Variants in LOX observed in about 807,000 individuals in gnomAD.
LOX encodes the protein lysyl oxidase.
LOX carries 12 observed loss-of-function variants against 50.5 expected under a neutral mutation model. That is an observed-to-expected ratio of 0.24 (90% CI 0.15 to 0.38). The LOEUF (loss-of-function observed/expected upper bound fraction) is 0.38, where lower values mean the gene tolerates loss of function less well. Ranked by LOEUF, LOX falls within the 10% of genes least tolerant of loss-of-function variation. The pLI is 1.00. For synonymous variants in LOX, 254 were observed against 230.6 expected (o/e 1.10, Z -0.92); for missense variants, 504 against 563.8 (o/e 0.89, Z 1.07).
In LOX at chr5:122,070,139, A is replaced by T; in HGVS notation, c.1161T>A (p.Pro387=). Residue 387 remains proline (P), a synonymous_variant, in exon 6 of 7, where the codon CCT becomes CCA. Transcript: ENST00000231004. ...CAACATTGTTGGTATAGTCAGATTC[A>T]GGAACCAGGTAGCTGGGGTTTACAC... The part of the protein sequence containing the change: ...KVSVNPSYLV[P]ESDYTNNVVR... 6.2e-7 allele frequency: 1 copy of T among 1,612,944 alleles called. No homozygotes were observed. The highest frequency in any genetic ancestry group is 8.5e-7 in the Non-Finnish European group (1 of 1,179,088).
chr5:122,077,047 C>A lies in LOX; in HGVS notation c.632-46G>T. On this transcript the variant is annotated intron_variant, in intron 1 of 6. Transcript: ENST00000231004. The surrounding 1 kb of genome is among the most constrained non-coding windows in gnomAD (Gnocchi z 4.9). ...GGCGCAGCAGTGAAACAACCCGGCGCCCCCCGCTCCAACTCCCTACCCCTC... is the reference window on the plus strand; with the variant it reads ...GGCGCAGCAGTGAAACAACCCGGCGACCCCCGCTCCAACTCCCTACCCCTC... 6.2e-7 allele frequency: 1 copy of A among 1,603,616 alleles called. No homozygotes were observed.
intron 6 of LOX, among the ~76,000 whole-genome samples, chr5:122,068,113 T>A (rs957353922): frequency 1.3e-5 from 2 of 150,702 alleles, no homozygotes; most frequent in Non-Finnish European, 2.9e-5. Flanking sequence ...CTGGTTTATA[T>A]TAGTTATAAA....
rs866908077 is a variant in LOX, at chr5:122,064,002, A to G, written c.*2741T>C. The stretch of plus-strand genomic sequence containing the variant: ...TTCTCATATATGTTATGCTAGCCTC[A>G]GAGGTCAAGACATCTTTAACCCAGA... On this transcript the variant is annotated 3_prime_UTR_variant, in exon 7 of 7. Transcript: ENST00000231004. The G allele has an allele frequency of 1.2e-4, 18 of 151,998 alleles. No homozygotes were observed. The highest frequency in any genetic ancestry group is 3.2e-3 in the Middle Eastern group (1 of 316). 9.4% of individuals were successfully genotyped at this position (151,998 alleles called of 1,614,324 possible).
chr5:122,074,401 T>A (rs1182359360), intron 3 of LOX, among the ~76,000 whole-genome samples: 1 of 152,202 alleles, frequency 6.6e-6, no homozygotes, highest in Admixed American at 6.5e-5. Context: ...AGTTCAGTAT[T>A]TTGCTTTCTT....
At position 122,074,040 on chromosome 5, in the gene LOX, C is replaced by T; in HGVS notation, c.1008G>A (p.Arg336=). ...GTGTGTGTGCAGTACATGCAAATCG[C>T]CTGTGGTAGCCATAGTCACAGGATG... ...EDTSCDYGYH[R]RFACTAHTQG... is the part of the protein sequence containing the mutation. Residue 336 remains arginine (R), a synonymous_variant, in exon 4 of 7, where the codon AGG becomes AGA. Transcript: ENST00000231004. 6.2e-7 allele frequency: 1 copy of T among 1,614,044 alleles called. No homozygotes were observed. The highest frequency in any genetic ancestry group is 2.2e-5 in the East Asian group (1 of 44,868).
chr5:122,072,943 A>G (rs1283961798), intron 4 of LOX, among the ~76,000 whole-genome samples: 2 of 152,232 alleles, frequency 1.3e-5, no homozygotes, highest in Non-Finnish European at 2.9e-5. Context: ...GAATCTGTAT[A>G]TGCACACATG....
rs973287348 is a variant in LOX, at chr5:122,066,573, G to A, written c.*170C>T. ...TTTCCCAAGTAATGATGACTTAAGC[G>A]TTCAAAATCCAGTTATGTGCTTTGT... On this transcript the variant is annotated 3_prime_UTR_variant, in exon 7 of 7. Coordinates refer to ENST00000231004, the MANE Select transcript of LOX (RefSeq NM_002317.7). 8.9e-5 allele frequency: 46 copies of A among 514,434 alleles called. No individual in the cohort carries two copies. Among genetic ancestry groups the A allele is most frequent in the Non-Finnish European group, 1.3e-4 (36 of 280,056 alleles). The allele number at this position is 514,434 out of a possible 1,614,324, so 31.9% of individuals were successfully genotyped here.
At position 122,070,572 on chromosome 5, in the gene LOX, A is replaced by G; in HGVS notation, c.1053T>C (p.Cys351=). 1 of 1,597,740 alleles carries G rather than the reference A, an allele frequency of 6.3e-7. No individual in the cohort carries two copies. The highest frequency in any genetic ancestry group is 8.6e-7 in the Non-Finnish European group (1 of 1,167,114). Reference sequence around the variant, plus strand: ...CTATGTCTGCACCATAGGTATCATAACAGCCAGGACTCAATCCCTAAGATA... The same window carrying G: ...CTATGTCTGCACCATAGGTATCATAGCAGCCAGGACTCAATCCCTAAGATA... The part of the protein sequence containing the change: ...TAHTQGLSPG[C]YDTYGADIDC... The change falls in exon 5 of 7, where the codon TGT becomes TGC. Residue 351 remains cysteine, a synonymous_variant. Transcript: ENST00000231004.
Position 122,078,122 on chromosome 5 carries a change from A to C in LOX, c.-137T>G. 2 of 740,446 alleles carry C rather than the reference A, an allele frequency of 2.7e-6. No homozygotes were observed. Among genetic ancestry groups the C allele is most frequent in the Non-Finnish European group, 2.0e-6 (1 of 509,942 alleles). The allele number at this position is 740,446 out of a possible 1,614,324, so 45.9% of individuals were successfully genotyped here. On this transcript the variant is annotated 5_prime_UTR_variant, in exon 1 of 7. Transcript: ENST00000231004. ...GAGCACGGGTATCTCAGTCTCCACC[A>C]AGCAATGCCAAGGGTGGGATTCAGA...
In LOX at chr5:122,064,946, G is replaced by GT. The variant is rs1284333172; in HGVS notation, c.*1796dup. On this transcript the variant is annotated 3_prime_UTR_variant, in exon 7 of 7. Coordinates refer to ENST00000231004, the MANE Select transcript of LOX (RefSeq NM_002317.7). ...TGGCTCAGTATTAATACTGACAGTA[G>GT]TTTTTTTGTTTTTTAAGAAAGCAAG... The GT allele has an allele frequency of 5.9e-5, 9 of 151,998 alleles. No homozygotes were observed. The highest frequency in any genetic ancestry group is 2.0e-4 in the Admixed American group (3 of 15,238). The allele number at this position is 151,998 out of a possible 1,614,324, so 9.4% of individuals were successfully genotyped here. A position where few individuals can be genotyped will look rare whatever the true frequency, so the allele number is the denominator to read the frequency against.
In LOX at chr5:122,077,730, G is replaced by C. The variant is rs1283957294; in HGVS notation, c.256C>G (p.Gln86Glu). 1 of 1,576,882 alleles carries C rather than the reference G, an allele frequency of 6.3e-7. No individual in the cohort carries two copies. Among genetic ancestry groups the C allele is most frequent in the Non-Finnish European group, 8.6e-7 (1 of 1,165,750 alleles). Residue 86 changes from glutamine to glutamate, a missense_variant, in exon 1 of 7, where the codon CAG becomes GAG. Coordinates refer to ENST00000231004, the MANE Select transcript of LOX (RefSeq NM_002317.7). This position sits in a 1 kb window ranked among gnomAD's most constrained non-coding sequence, Gnocchi z 4.9. The stretch of plus-strand genomic sequence containing the variant: ...ATCAGCAGGATCGGAGTGCGGGGCT[G>C]CTGGGCGGAGGCGTTGGCTGCACCA... Reference protein sequence around the residue: ...VPGAANASAQQPRTPILLIRD... With the variant: ...VPGAANASAQEPRTPILLIRD...
intron 4 of LOX, among the ~76,000 whole-genome samples, chr5:122,071,492 C>T (rs1385272717): frequency 2.6e-5 from 4 of 152,094 alleles, no homozygotes; most frequent in African/African-American, 9.7e-5. Flanking sequence ...ACTCCACTTG[C>T]TAAAATATTC....
intron 2 of LOX, among the ~76,000 whole-genome samples, chr5:122,076,482 G>A (rs778105508): frequency 6.6e-6 from 1 of 152,256 alleles, no homozygotes; most frequent in South Asian, 2.1e-4. Flanking sequence ...CTTTACCAAT[G>A]AGGCTACGAT....
At position 122,078,138 on chromosome 5, in the gene LOX, G is replaced by A. The variant is rs1404390846; in HGVS notation, c.-153C>T. 3 of 652,244 alleles carry A rather than the reference G, an allele frequency of 4.6e-6. No individual in the cohort carries two copies. The highest frequency in any genetic ancestry group is 6.9e-6 in the Non-Finnish European group (3 of 431,934). 40.4% of individuals were successfully genotyped at this position (652,244 alleles called of 1,614,324 possible). On this transcript the variant is annotated 5_prime_UTR_variant, in exon 1 of 7. Coordinates refer to ENST00000231004, the MANE Select transcript of LOX (RefSeq NM_002317.7). ...GTCTCCACCAAGCAATGCCAAGGGT[G>A]GGATTCAGACCCTTCCCCAGTCAAG... is the stretch of plus-strand genomic sequence containing the variant.
chr5:122,074,550 T>C (rs1004840870), intron 3 of LOX, among the ~76,000 whole-genome samples: 1 of 152,212 alleles, frequency 6.6e-6, no homozygotes, highest in Non-Finnish European at 1.5e-5. Context: ...AAGCAGCACA[T>C]GACTTTTTCA....
rs1262209522 is a variant in LOX, at chr5:122,063,657, AG to A, written c.*3085del. On this transcript the variant is annotated 3_prime_UTR_variant, in exon 7 of 7. Coordinates refer to ENST00000231004, the MANE Select transcript of LOX (RefSeq NM_002317.7). ...AAAAAAATATGTATATATAGAAAAA[AG>A]AGTACTTTTTAGTTATCAGTTAATA... The A allele has an allele frequency of 6.6e-6, 1 of 151,950 alleles. No individual in the cohort carries two copies. The highest frequency in any genetic ancestry group is 1.5e-5 in the Non-Finnish European group (1 of 67,886). The allele number at this position is 151,950 out of a possible 1,614,324, so 9.4% of individuals were successfully genotyped here.
chr5:122,073,366 A>C (rs1754509729), intron 4 of LOX, among the ~76,000 whole-genome samples: 1 of 152,238 alleles, frequency 6.6e-6, no homozygotes, highest in African/African-American at 2.4e-5. Context: ...TATACTGTAG[A>C]TTTAAATATA....
At chr5:122,070,992 T>G (rs1428675189) in intron 4 of LOX, among the ~76,000 whole-genome samples, 1 of 152,186 alleles carries the variant, frequency 6.6e-6, no homozygotes, top group Admixed American at 6.5e-5. Flanking sequence ...ATTACCTTCT[T>G]GTGCTTTGAA....
chr5:122,075,252 G>T, intron 3 of LOX, 152 bp downstream of exon 3: 2 of 637,182 alleles, frequency 3.1e-6, no homozygotes, highest in Non-Finnish European at 5.2e-6. Context: ...GTAGTAGATG[G>T]GTTATGTGAA....
Sources: gnomAD v4.1 joint callset for allele counts (sites outside exome capture counted in the v4.1 genomes callset) on GRCh38, gnomAD v4.1.1 for gene constraint, Gnocchi (gnomAD v3.1) non-coding constraint, MANE v1.5 for transcripts, NCBI Gene and HGNC (gene_info 2026-07-23, HGNC 2026-07-21) for gene names.